Variants in TRAPPC6B observed in about 807,000 individuals in gnomAD.
TRAPPC6B encodes the protein TRAPP complex subunit 6B.
Under a neutral mutation model 24.7 loss-of-function variants are expected in TRAPPC6B, and 27 were observed. That is an observed-to-expected ratio of 1.09 (90% CI 0.81 to 1.51). The LOEUF is 1.51. TRAPPC6B is among the 40% of genes most tolerant of loss of function. The pLI, the probability that TRAPPC6B is intolerant of heterozygous loss-of-function variation, is 0.00. For synonymous variants in TRAPPC6B, 80 were observed against 66.6 expected, an observed-to-expected ratio of 1.20 and a Z score of -0.98; for missense variants, 212 against 190.8, an observed-to-expected ratio of 1.11 and a Z score of -0.66.
At chr14:39,151,561 T>A (rs2052913741) in intron 5 of TRAPPC6B, among the ~76,000 whole-genome samples, 185 bp downstream of exon 5, 1 of 152,118 alleles carries the variant, frequency 6.6e-6, no homozygotes, top group African/African-American at 2.4e-5. Flanking sequence ...TGGATTTTAG[T>A]CCATTATTCA....
chr14:39,158,250 G>A (rs1433535035), intron 3 of TRAPPC6B, 35 bp downstream of exon 3: 1 of 1,126,536 alleles, frequency 8.9e-7, no homozygotes, highest in Non-Finnish European at 1.3e-6. Context: ...CAAGTTAAAG[G>A]ACTTTAAAAT....
intron 1 of TRAPPC6B, among the ~76,000 whole-genome samples, chr14:39,162,301 C>A (rs1392545703): frequency 2.6e-5 from 4 of 151,666 alleles, no homozygotes; most frequent in African/African-American, 9.7e-5. Flanking sequence ...GCTAGGACTA[C>A]AGGCACATCA....
intron 1 of TRAPPC6B, among the ~76,000 whole-genome samples, chr14:39,165,146 C>T (rs1594544560): frequency 6.6e-6 from 1 of 151,552 alleles, no homozygotes; most frequent in African/African-American, 2.4e-5. Context: ...CCCAGGTTCA[C>T]GCCATTCTCC....
chr14:39,149,583 A>G lies in TRAPPC6B; in HGVS notation c.*767T>C, dbSNP rs1184141374. ...CAACTCTGCTCAGCTGGAAGAGGAA[A>G]GAAGGGAATAAAGATGTTAGATCCT... On this transcript the variant is annotated 3_prime_UTR_variant, in exon 6 of 6. Coordinates refer to ENST00000330149, the MANE Select transcript of TRAPPC6B (RefSeq NM_001079537.2). 6.6e-6 allele frequency: 1 copy of G among 152,240 alleles called. No individual in the cohort carries two copies. Among genetic ancestry groups the G allele is most frequent in the Non-Finnish European group, 1.5e-5 (1 of 68,036 alleles). The allele number at this position is 152,240 out of a possible 1,614,324, so 9.4% of individuals were successfully genotyped here.
At chr14:39,169,744 A>G (rs895369008) in intron 1 of TRAPPC6B, among the ~76,000 whole-genome samples, 1 of 152,210 alleles carries the variant, frequency 6.6e-6, no homozygotes. Context: ...CAACACTAAA[A>G]GTACCAAAAT....
chr14:39,154,495 C>T (rs956264301), intron 3 of TRAPPC6B, among the ~76,000 whole-genome samples: 2 of 152,186 alleles, frequency 1.3e-5, no homozygotes, highest in African/African-American at 4.8e-5. Flanking sequence ...TTACGCCTCA[C>T]TGCAGCCTCC....
At chr14:39,151,888 T>C in intron 4 of TRAPPC6B, 49 bp from the exon 5 acceptor site, 1 of 1,266,964 alleles carries the variant, frequency 7.9e-7, no homozygotes, top group Non-Finnish European at 1.1e-6. Flanking sequence ...ACTAAAATAG[T>C]AAAGCTATTG....
Position 39,163,581 on chromosome 14 carries a change from C to G in TRAPPC6B, c.82-4031G>C, listed in dbSNP as rs138337589. Among the ~76,000 whole-genome samples, 5 of 150,940 alleles carry G rather than the reference C, an allele frequency of 3.3e-5. No individual in the cohort carries two copies. In the East Asian group the frequency reaches 9.6e-4, roughly 29 times the overall value. ...AGAACTTCTTTCACCATTTAATATA[C>G]CATACATTTTACTATTTTATATTGC... On this transcript the variant is annotated intron_variant, in intron 1 of 5. Coordinates refer to ENST00000330149, the MANE Select transcript of TRAPPC6B (RefSeq NM_001079537.2).
intron 1 of TRAPPC6B, among the ~76,000 whole-genome samples, chr14:39,163,328 G>A (rs1001178917): frequency 8.2e-5 from 12 of 146,924 alleles, no homozygotes; most frequent in Non-Finnish European, 1.5e-4. Flanking sequence ...CCGAGATCAT[G>A]CCACTGCACT....
chr14:39,151,816 T>G lies in TRAPPC6B; in HGVS notation c.375A>C (p.Leu125Phe). 1 of 1,608,726 alleles carries G rather than the reference T, an allele frequency of 6.2e-7. No homozygotes were observed. The highest frequency in any genetic ancestry group is 8.5e-7 in the Non-Finnish European group (1 of 1,178,376). Reference protein sequence around the residue: ...ASKYLAFTCGLIRGGLSNLGI... With the variant: ...ASKYLAFTCGFIRGGLSNLGI... ...CCAAGTTTGATAAGCCACCTCTGATTAAGCCACACGTAAATGCTAAATACT... is the reference window on the plus strand; with the variant it reads ...CCAAGTTTGATAAGCCACCTCTGATGAAGCCACACGTAAATGCTAAATACT... The change falls in exon 5 of 6, where the codon TTA (leucine) becomes TTC (phenylalanine). Residue 125 changes from leucine (L) to phenylalanine (F), a missense_variant. Leu to Phe is a conservative substitution (Grantham distance 22). Transcript: ENST00000330149.
intron 4 of TRAPPC6B, among the ~76,000 whole-genome samples, chr14:39,152,724 A>G (rs1035946215): frequency 6.6e-6 from 1 of 152,186 alleles, no homozygotes; most frequent in African/African-American, 2.4e-5. Context: ...ATATGTGCGT[A>G]TTTATGGGGA....
chr14:39,164,420 A>T lies in TRAPPC6B; in HGVS notation c.82-4870T>A, dbSNP rs1270417550. Among the ~76,000 whole-genome samples the T allele has an allele frequency of 2.0e-5, 3 of 152,230 alleles. No individual in the cohort carries two copies. In the East Asian group the frequency reaches 5.8e-4, roughly 29 times the overall value. The stretch of plus-strand genomic sequence containing the variant: ...GGCAGGAGAATTGCTTGAACCCAGG[A>T]GGCGGAGGTTGCAGTGAGCCAAGGT... On this transcript the variant is annotated intron_variant, in intron 1 of 5. Coordinates refer to ENST00000330149, the MANE Select transcript of TRAPPC6B (RefSeq NM_001079537.2).
At chr14:39,165,256 A>G (rs2053096710) in intron 1 of TRAPPC6B, among the ~76,000 whole-genome samples, 1 of 152,080 alleles carries the variant, frequency 6.6e-6, no homozygotes, top group Admixed American at 6.6e-5. Flanking sequence ...CATGTTAGCC[A>G]GGACGGTCTC....
Position 39,150,751 on chromosome 14 carries a change from C to G in TRAPPC6B, c.446-370G>C, listed in dbSNP as rs1299273393. On this transcript the variant is annotated intron_variant, in intron 5 of 5. Coordinates refer to ENST00000330149, the MANE Select transcript of TRAPPC6B (RefSeq NM_001079537.2). ...ACAGGGTTTCACCTTATTGGCCAGG[C>G]TGGTCTCAAACTCCTGACCTCATGA... 2.0e-5 allele frequency among the ~76,000 whole-genome samples: 3 copies of G among 152,214 alleles called. No homozygotes were observed. In the East Asian group the frequency reaches 5.8e-4, roughly 30 times the overall value.
chr14:39,158,725 T>A (rs201703174), intron 2 of TRAPPC6B: 5 of 178,648 alleles, frequency 2.8e-5, no homozygotes, highest in African/African-American at 1.2e-4. Context: ...TCCACTTTGT[T>A]ACCCTGGCTG....
intron 1 of TRAPPC6B, among the ~76,000 whole-genome samples, chr14:39,164,534 G>A (rs1475488220): frequency 2.6e-5 from 4 of 151,968 alleles, no homozygotes; most frequent in South Asian, 4.2e-4. Context: ...TTCAGCACCT[G>A]CTCCCCTTTC....
At chr14:39,151,707 A>T in intron 5 of TRAPPC6B, 39 bp downstream of exon 5, 1 of 1,446,150 alleles carries the variant, frequency 6.9e-7, no homozygotes, top group South Asian at 1.3e-5. Flanking sequence ...CTGAAAACAA[A>T]TTACTAAAAC....
chr14:39,161,917 G>C (rs545908052), intron 1 of TRAPPC6B, among the ~76,000 whole-genome samples: 1 of 152,188 alleles, frequency 6.6e-6, no homozygotes, highest in African/African-American at 2.4e-5. Context: ...GGCCCGTAGC[G>C]ATGAGGTTTC....
intron 3 of TRAPPC6B, chr14:39,157,442 T>C: frequency 3.0e-6 from 1 of 335,638 alleles, no homozygotes; most frequent in Non-Finnish European, 5.7e-6. Context: ...AAAGGGGATG[T>C]CCCCACTAAG....
Sources: allele counts gnomAD v4.1 joint callset (sites outside exome capture counted in the v4.1 genomes callset), GRCh38; gene constraint gnomAD v4.1.1; transcripts MANE v1.5; gene names NCBI Gene and HGNC (gene_info 2026-07-23, HGNC 2026-07-21).